ANKRD44: variants seen among roughly 807,000 people sequenced by gnomAD.
ANKRD44 encodes serine/threonine-protein phosphatase 6 regulatory ankyrin repeat subunit B.
In ANKRD44, 35 loss-of-function variants were observed where a neutral mutation model predicts 116.0. The observed-to-expected ratio is 0.30, with a 90% CI of 0.23 to 0.40. ANKRD44 has a LOEUF of 0.40. Ranked by LOEUF, ANKRD44 falls within the 10% of genes least tolerant of loss-of-function variation. The pLI, the probability that ANKRD44 is intolerant of heterozygous loss-of-function variation, is 1.00. For synonymous variants in ANKRD44, 435 were observed against 461.8 expected, an observed-to-expected ratio of 0.94 and a Z score of 0.74; for missense variants, 1,014 against 1,242.6, an observed-to-expected ratio of 0.82 and a Z score of 2.77.
chr2:197,169,397 CT>C lies in ANKRD44; in HGVS notation c.111+17625del, dbSNP rs1279849263. Reference sequence around the variant, plus strand: ...TTTCCTTTACCTGTTTACTTCCTTTCTCTCCAATACACTGTAAACTCCTGAT... The same window carrying C: ...TTTCCTTTACCTGTTTACTTCCTTTCCTCCAATACACTGTAAACTCCTGAT... On this transcript the variant is annotated intron_variant, in intron 2 of 27. Transcript: ENST00000282272. Among the ~76,000 whole-genome samples the C allele has an allele frequency of 2.6e-5, 4 of 152,178 alleles. No individual in the cohort carries two copies. In the South Asian group the frequency reaches 8.3e-4, roughly 31 times the overall value.
chr2:197,024,955 T>C (rs2076563555), intron 17 of ANKRD44, among the ~76,000 whole-genome samples: 1 of 152,216 alleles, frequency 6.6e-6, no homozygotes, highest in South Asian at 2.1e-4. Context: ...TTTGCCCTCA[T>C]TTCGCAGATG....
chr2:197,126,937 G>A (rs1345725909), intron 4 of ANKRD44, among the ~76,000 whole-genome samples: 1 of 151,844 alleles, frequency 6.6e-6, no homozygotes, highest in Non-Finnish European at 1.5e-5. Context: ...ACAATGAGCT[G>A]TGATCATGAC....
chr2:197,095,863 T>C (rs147476998), intron 10 of ANKRD44, among the ~76,000 whole-genome samples: 4 of 152,394 alleles, frequency 2.6e-5, no homozygotes, highest in African/African-American at 9.6e-5. Flanking sequence ...ATTGTGCAGT[T>C]AACATGAATG....
intron 1 of ANKRD44, among the ~76,000 whole-genome samples, chr2:197,188,284 G>A (rs1234289983): frequency 6.6e-6 from 1 of 152,172 alleles, no homozygotes; most frequent in Non-Finnish European, 1.5e-5. Flanking sequence ...AGGAGGCTGG[G>A]TGAAGACAAG....
downstream of ANKRD44, among the ~76,000 whole-genome samples, chr2:196,983,953 C>A (rs1463832996): frequency 6.6e-6 from 1 of 152,154 alleles, no homozygotes; most frequent in Non-Finnish European, 1.5e-5. Flanking sequence ...ATTAAAGATG[C>A]CTTGATCTGT....
chr2:197,216,716 C>T (rs1167193631), intron 1 of ANKRD44, among the ~76,000 whole-genome samples: 1 of 152,118 alleles, frequency 6.6e-6, no homozygotes, highest in Non-Finnish European at 1.5e-5. Context: ...GCACTAACAT[C>T]AGCCCACACA....
At chr2:197,289,919 G>A (rs2083514095) in intron 1 of ANKRD44, among the ~76,000 whole-genome samples, 1 of 150,702 alleles carries the variant, frequency 6.6e-6, no homozygotes, top group African/African-American at 2.4e-5. Flanking sequence ...CAGGCTGAGT[G>A]CAGTGGCGTG....
chr2:196,974,906 A>C (rs1002841619), intron 21 of ANKRD44, among the ~76,000 whole-genome samples: 15 of 152,056 alleles, frequency 9.9e-5, no homozygotes, highest in African/African-American at 3.6e-4. Flanking sequence ...AAAAAGAAAA[A>C]GAAAACGAAG....
At chr2:197,080,858 T>C (rs1381801290) in intron 15 of ANKRD44, among the ~76,000 whole-genome samples, 2 of 152,194 alleles carry the variant, frequency 1.3e-5, no homozygotes, top group African/African-American at 2.4e-5. Context: ...TGCAGACTCA[T>C]AGAGCACCAT....
At chr2:197,170,190 C>CAAAAAAAAAAAAAAAAAAAAAAAA (rs71012960) in intron 2 of ANKRD44, among the ~76,000 whole-genome samples, 4 of 119,752 alleles carry the variant, frequency 3.3e-5, no homozygotes, top group East Asian at 4.8e-4. Context: ...ACCCTGTTTC[C>CAAAAAAAAAAAAAAAAAAAAAAAA]AAAAAAAAAA....
chr2:197,107,922 G>A (rs1474962395), intron 9 of ANKRD44, among the ~76,000 whole-genome samples: 1 of 152,334 alleles, frequency 6.6e-6, no homozygotes, highest in East Asian at 1.9e-4. Context: ...TTTAAAAAAT[G>A]TCAAATGGAA....
intron 16 of ANKRD44, among the ~76,000 whole-genome samples, chr2:197,025,650 T>C (rs2076577578): frequency 6.6e-6 from 1 of 152,094 alleles, no homozygotes. Flanking sequence ...TAAATAAATA[T>C]AAAAATAAGA....
At chr2:197,078,586 T>C in intron 16 of ANKRD44, 117 bp downstream of exon 16, 1 of 1,531,796 alleles carries the variant, frequency 6.5e-7, no homozygotes, top group Non-Finnish European at 8.8e-7. Context: ...TCCTGATTCA[T>C]GGACCCACTT....
rs58104989 is a variant in ANKRD44, at chr2:197,106,808, T to TATATATA, written c.985+3957_985+3958insTATATAT. 4.8e-4 allele frequency among the ~76,000 whole-genome samples: 34 copies of TATATATA among 70,624 alleles called. 1 individual carries two copies. Among genetic ancestry groups the TATATATA allele is most frequent in the African/African-American group, 9.0e-4 (22 of 24,456 alleles). The allele number at this position is 70,624 out of a possible 152,430, so 46.3% of individuals were successfully genotyped here. ...CCGTCTCAAATATATATATATATATTTTTTTTTTTTTTTCAGGAAAACATA... is the reference window on the plus strand; with the variant it reads ...CCGTCTCAAATATATATATATATATTATATATATTTTTTTTTTTTTCAGGAAAACATA... On this transcript the variant is annotated intron_variant, in intron 9 of 27. Coordinates refer to ENST00000282272, the MANE Select transcript of ANKRD44 (RefSeq NM_001195144.2).
intron 24 of ANKRD44, 37 bp downstream of exon 24, chr2:196,998,870 T>C (rs1293659902): frequency 3.1e-6 from 5 of 1,600,048 alleles, no homozygotes; most frequent in South Asian, 1.1e-5. Context: ...GGTTTTTGCA[T>C]GGGCATAAGG....
chr2:197,130,574 G>A (rs1392253519), intron 4 of ANKRD44, among the ~76,000 whole-genome samples: 2 of 152,170 alleles, frequency 1.3e-5, no homozygotes, highest in Non-Finnish European at 2.9e-5. Flanking sequence ...ACCCCAGAGA[G>A]TTTAAATGCA....
At chr2:197,061,783 CTT>C (rs3031992) in intron 16 of ANKRD44, among the ~76,000 whole-genome samples, 13 of 143,778 alleles carry the variant, frequency 9.0e-5, no homozygotes, top group South Asian at 2.2e-4. Context: ...ATATCCATGC[CTT>C]TTTTTTTTTT....
rs1013607878 is a variant in ANKRD44 at position 197,023,657 on chromosome 2, T to A, written c.1722+1539A>T. Among the ~76,000 whole-genome samples the A allele has an allele frequency of 5.3e-5, 8 of 152,260 alleles. No individual in the cohort carries two copies. In the South Asian group the frequency reaches 1.7e-3, roughly 32 times the overall value. ...ATTAGTAGCAGGCTTGGCAATGCAG[T>A]CAAACCCACTTTCTTGGGGCCTGAG... On this transcript the variant is annotated intron_variant, in intron 17 of 27. Coordinates refer to ENST00000282272, the MANE Select transcript of ANKRD44 (RefSeq NM_001195144.2).
intron 16 of ANKRD44, among the ~76,000 whole-genome samples, chr2:197,039,430 T>A (rs2076866031): frequency 6.6e-6 from 1 of 152,222 alleles, no homozygotes; most frequent in African/African-American, 2.4e-5. Flanking sequence ...CTGGCAGTAA[T>A]CGTTGCAAGG....
Sources: gnomAD v4.1 joint callset for allele counts (sites outside exome capture counted in the v4.1 genomes callset) on GRCh38, gnomAD v4.1.1 for gene constraint, MANE v1.5 for transcripts, NCBI Gene and HGNC (gene_info 2026-07-23, HGNC 2026-07-21) for gene names.